CDKAL1: variants seen among roughly 807,000 people sequenced by gnomAD.
CDKAL1 encodes CDKAL1 threonylcarbamoyladenosine tRNA methylthiotransferase, also known as threonylcarbamoyladenosine tRNA methylthiotransferase.
A neutral mutation model predicts 68.2 loss-of-function variants in CDKAL1; 32 were observed. The observed-to-expected ratio is 0.47, with a 90% CI of 0.35 to 0.63. The LOEUF is 0.63. Among genes scored for constraint, CDKAL1 ranks in the 30% least tolerant of loss-of-function variants. The pLI is 0.00. For synonymous variants in CDKAL1, 234 were observed against 244.3 expected, an observed-to-expected ratio of 0.96 and a Z score of 0.39; for missense variants, 606 against 696.7, an observed-to-expected ratio of 0.87 and a Z score of 1.47.
At chr6:20,777,435 A>G (rs1775218664) in intron 7 of CDKAL1, among the ~76,000 whole-genome samples, 1 of 152,118 alleles carries the variant, frequency 6.6e-6, no homozygotes, top group African/African-American at 2.4e-5. Flanking sequence ...CAACATGGCA[A>G]GACCTCATCT....
At position 20,652,849 on chromosome 6, in the gene CDKAL1, C is replaced by T. The variant is rs148839644; in HGVS notation, c.371+3472C>T. Among the ~76,000 whole-genome samples, 745 of 152,272 alleles carry T rather than the reference C, an allele frequency of 4.9e-3. 4 individuals are homozygous for T. Among genetic ancestry groups the T allele is most frequent in the African/African-American group, 0.017 (695 of 41,558 alleles). The stretch of plus-strand genomic sequence containing the variant: ...ACATTGTCAAGACCGTAGAAACTGC[C>T]GTGTTTTCAATCATAACTCCCAAGA... On this transcript the variant is annotated intron_variant, in intron 5 of 15. Transcript: ENST00000274695.
At chr6:20,548,049 T>C (rs1277381741) in intron 3 of CDKAL1, among the ~76,000 whole-genome samples, 1 of 152,254 alleles carries the variant, frequency 6.6e-6, no homozygotes, top group Non-Finnish European at 1.5e-5. Context: ...AGAAAAAGGA[T>C]ATTTTTTTAT....
Position 20,593,319 on chromosome 6 carries a change from AG to A in CDKAL1, c.286+44616del, listed in dbSNP as rs1357995902. Among the ~76,000 whole-genome samples, 15 of 152,186 alleles carry A rather than the reference AG, an allele frequency of 9.9e-5. No individual in the cohort carries two copies. The East Asian group carries it at 2.5e-3, about 25-fold the overall frequency. On this transcript the variant is annotated intron_variant, in intron 4 of 15. Coordinates refer to ENST00000274695, the MANE Select transcript of CDKAL1 (RefSeq NM_017774.3). ...GGTCCTGGGCTTTGTTTTGGTTGGT[AG>A]GCTATTAATTACTGCCTCAATTTCA...
chr6:21,000,046 G>C (rs1310676733), intron 10 of CDKAL1, among the ~76,000 whole-genome samples, 181 bp from the exon 11 acceptor site: 1 of 152,214 alleles, frequency 6.6e-6, no homozygotes, highest in African/African-American at 2.4e-5. Flanking sequence ...CTCTGAAAGT[G>C]ATATTGAATT....
At chr6:21,196,156 A>G (rs1052729740) in intron 13 of CDKAL1, among the ~76,000 whole-genome samples, 1 of 152,226 alleles carries the variant, frequency 6.6e-6, no homozygotes, top group Non-Finnish European at 1.5e-5. Flanking sequence ...GAAGCAGCAT[A>G]GTTTTCAGTG....
chr6:21,194,584 A>G lies in CDKAL1; in HGVS notation c.1300-3437A>G, dbSNP rs369460658. Among the ~76,000 whole-genome samples the G allele has an allele frequency of 1.1e-3, 170 of 152,340 alleles. 4 individuals carry two copies. The South Asian group carries it at 0.033, about 30-fold the overall frequency. On this transcript the variant is annotated intron_variant, in intron 13 of 15. Transcript: ENST00000274695. ...ACTAGAACTTCCTTACTCAGATAGCAGAGGCACTGTTTGGATATGGCAAGC... is the reference window on the plus strand; with the variant it reads ...ACTAGAACTTCCTTACTCAGATAGCGGAGGCACTGTTTGGATATGGCAAGC...
intron 13 of CDKAL1, among the ~76,000 whole-genome samples, chr6:21,145,947 C>T (rs1400533094): frequency 6.6e-6 from 1 of 152,136 alleles, no homozygotes; most frequent in Non-Finnish European, 1.5e-5. Flanking sequence ...TTCCATAGTT[C>T]AGTACTGTTG....
chr6:20,872,138 A>AC (rs1760254997), intron 9 of CDKAL1, among the ~76,000 whole-genome samples: 1 of 152,194 alleles, frequency 6.6e-6, no homozygotes, highest in African/African-American at 2.4e-5. Flanking sequence ...TAAAAACATA[A>AC]CCAACAACTT....
chr6:20,662,049 A>G (rs1393195048), intron 5 of CDKAL1, among the ~76,000 whole-genome samples: 2 of 152,056 alleles, frequency 1.3e-5, no homozygotes, highest in Non-Finnish European at 2.9e-5. Context: ...AAGACATTCT[A>G]CTTATTCTTG....
chr6:21,134,336 G>C (rs533291893), intron 13 of CDKAL1, among the ~76,000 whole-genome samples: 1 of 152,300 alleles, frequency 6.6e-6, no homozygotes, highest in South Asian at 2.1e-4. Context: ...AGGGGAAGGG[G>C]ATTTAAATTC....
At chr6:20,569,820 G>C (rs1390630455) in intron 4 of CDKAL1, among the ~76,000 whole-genome samples, 1 of 152,132 alleles carries the variant, frequency 6.6e-6, no homozygotes, top group Non-Finnish European at 1.5e-5. Context: ...TTTTTGAGAT[G>C]ATTTAGAAAA....
chr6:20,879,060 C>A (rs918594823), intron 9 of CDKAL1, among the ~76,000 whole-genome samples: 1 of 150,524 alleles, frequency 6.6e-6, no homozygotes, highest in South Asian at 2.1e-4. Flanking sequence ...GCCTGGGTGA[C>A]AGAGCAAGAT....
chr6:20,691,480 C>T (rs553876452), intron 5 of CDKAL1, among the ~76,000 whole-genome samples: 87 of 152,182 alleles, frequency 5.7e-4, no homozygotes, highest in South Asian at 1.2e-3. Context: ...TGGATATGTA[C>T]ACTTAATTTA....
intron 4 of CDKAL1, among the ~76,000 whole-genome samples, chr6:20,550,131 A>G (rs1038325025): frequency 6.6e-6 from 1 of 152,056 alleles, no homozygotes; most frequent in African/African-American, 2.4e-5. Context: ...GGCATGCGCC[A>G]CCACACCAGG....
intron 9 of CDKAL1, among the ~76,000 whole-genome samples, chr6:20,874,408 A>G (rs1355634568): frequency 6.6e-6 from 1 of 151,808 alleles, no homozygotes; most frequent in Non-Finnish European, 1.5e-5. Context: ...GGTTCAGGCG[A>G]TTCTCCTGCC....
rs371046356 is a variant in CDKAL1, at chr6:20,618,685, G to A, written c.287-30608G>A. Among the ~76,000 whole-genome samples the A allele has an allele frequency of 2.7e-4, 40 of 147,358 alleles. 1 individual carries two copies. In the East Asian group the frequency reaches 5.1e-3, roughly 19 times the overall value. The stretch of plus-strand genomic sequence containing the variant: ...AGTTTTCATTTTATCAATTCTTTTC[G>A]TTTTTTTTTTGGATACAGGGTCTTG... On this transcript the variant is annotated intron_variant, in intron 4 of 15. Transcript: ENST00000274695.
intron 15 of CDKAL1, among the ~76,000 whole-genome samples, chr6:21,203,616 G>A (rs895938582): frequency 4.6e-5 from 7 of 151,308 alleles, no homozygotes; most frequent in Middle Eastern, 3.4e-3. Flanking sequence ...GGCCTCAAAC[G>A]GTCCTCCCAC....
intron 8 of CDKAL1, among the ~76,000 whole-genome samples, chr6:20,814,609 T>A (rs1776965796): frequency 1.3e-5 from 2 of 152,232 alleles, no homozygotes; most frequent in African/African-American, 4.8e-5. Context: ...AATGTTGTTA[T>A]GCAGCTATTG....
intron 11 of CDKAL1, among the ~76,000 whole-genome samples, chr6:21,019,386 C>G (rs1404895201): frequency 6.6e-6 from 1 of 152,016 alleles, no homozygotes; most frequent in Admixed American, 6.6e-5. Context: ...CTACAGTTGC[C>G]CATTTGTTAC....
Sources: allele counts gnomAD v4.1 joint callset (sites outside exome capture counted in the v4.1 genomes callset), GRCh38; gene constraint gnomAD v4.1.1; transcripts MANE v1.5; gene names NCBI Gene and HGNC (gene_info 2026-07-23, HGNC 2026-07-21).